FNTB: variants seen among roughly 807,000 people sequenced by gnomAD.
FNTB encodes the protein farnesyltransferase, CAAX box, subunit beta.
FNTB carries 27 observed loss-of-function variants against 59.4 expected under a neutral mutation model. That is an observed-to-expected ratio of 0.45 (90% CI 0.34 to 0.63). The LOEUF is 0.63. Among genes scored for constraint, FNTB ranks in the 20% least tolerant of loss-of-function variants. FNTB has a pLI of 0.02. For synonymous variants in FNTB, 230 were observed against 220.7 expected, an observed-to-expected ratio of 1.04 and a Z score of -0.37; for missense variants, 449 against 559.6, an observed-to-expected ratio of 0.80 and a Z score of 1.99.
At chr14:65,006,188 A>G (rs2139486562) in intron 2 of FNTB, 2 of 1,572,500 alleles carry the variant, frequency 1.3e-6, no homozygotes, top group Non-Finnish European at 1.7e-6. Context: ...CCATTTCCTT[A>G]AGAAACTTTT....
In FNTB at chr14:65,030,267, T is replaced by A. The variant is rs2062054172; in HGVS notation, c.606-2343T>A. Among the ~76,000 whole-genome samples, 1 of 152,214 alleles carries A rather than the reference T, an allele frequency of 6.6e-6. No homozygotes were observed. Among genetic ancestry groups the A allele is most frequent in the Non-Finnish European group, 1.5e-5 (1 of 68,042 alleles). Reference sequence around the variant, plus strand: ...AATTAGCTGCTGGTAGATGATCACATTTGGCATTGGCACTTGTGACTCTTG... The same window carrying A: ...AATTAGCTGCTGGTAGATGATCACAATTGGCATTGGCACTTGTGACTCTTG... On this transcript the variant is annotated intron_variant, in intron 6 of 11. Coordinates refer to ENST00000246166, the MANE Select transcript of FNTB (RefSeq NM_002028.4). The surrounding 1 kb of genome is among the most constrained non-coding windows in gnomAD (Gnocchi z 4.5).
At position 65,060,697 on chromosome 14, in the gene FNTB, CAA is replaced by C. The variant is rs59036615; in HGVS notation, c.1183-467_1183-466del. ...GGCGACAGAGCGAGAGACTCCGTCT[CAA>C]AAAAAAAAAAAAAAAATACAAAAAT... On this transcript the variant is annotated intron_variant, in intron 11 of 11. Coordinates refer to ENST00000246166, the MANE Select transcript of FNTB (RefSeq NM_002028.4). Among the ~76,000 whole-genome samples the C allele has an allele frequency of 2.3e-4, 11 of 48,592 alleles. 1 individual carries two copies. The highest frequency in any genetic ancestry group is 1.0e-3 in the East Asian group (2 of 1,944). 31.9% of individuals were successfully genotyped at this position (48,592 alleles called of 152,430 possible). A position where few individuals can be genotyped will look rare whatever the true frequency, so the allele number is the denominator to read the frequency against.
chr14:65,057,530 T>G (rs528959207), intron 11 of FNTB, among the ~76,000 whole-genome samples: 1 of 152,312 alleles, frequency 6.6e-6, no homozygotes, highest in Non-Finnish European at 1.5e-5. Context: ...AGGTGAGGAT[T>G]AACTTAAGGA....
intron 11 of FNTB, among the ~76,000 whole-genome samples, chr14:65,059,932 C>T (rs764323133): frequency 6.7e-6 from 1 of 149,766 alleles, no homozygotes; most frequent in African/African-American, 2.5e-5. Context: ...CTCCCGGGTT[C>T]AAGCAATTCT....
At position 65,044,235 on chromosome 14, in the gene FNTB, G is replaced by T; in HGVS notation, c.823-76G>T. On this transcript the variant is annotated intron_variant, in intron 8 of 11. Coordinates refer to ENST00000246166, the MANE Select transcript of FNTB (RefSeq NM_002028.4). The surrounding 1 kb of genome is among the most constrained non-coding windows in gnomAD (Gnocchi z 5.5). The stretch of plus-strand genomic sequence containing the variant: ...TGGGAAACCCTCCATCCCACAGATT[G>T]ACTCCTGGAGATTCTGTCGGGCTGG... 6.2e-7 allele frequency: 1 copy of T among 1,600,464 alleles called. No homozygotes were observed. The highest frequency in any genetic ancestry group is 1.1e-5 in the South Asian group (1 of 88,962).
rs752570490 is a variant in FNTB at position 65,044,492 on chromosome 14, A to G, written c.955+49A>G. The G allele has an allele frequency of 2.6e-6, 4 of 1,568,104 alleles. No individual in the cohort carries two copies. The highest frequency in any genetic ancestry group is 2.4e-5 in the South Asian group (2 of 83,756). The stretch of plus-strand genomic sequence containing the variant: ...TGGGGCTGGATGATTTCCCTCCACT[A>G]CTCACAAAGTCTGGAAGCCCAGCGT... On this transcript the variant is annotated intron_variant, in intron 9 of 11. Coordinates refer to ENST00000246166, the MANE Select transcript of FNTB (RefSeq NM_002028.4). The surrounding 1 kb of genome is among the most constrained non-coding windows in gnomAD (Gnocchi z 5.5).
intron 1 of FNTB, among the ~76,000 whole-genome samples, chr14:64,996,003 G>A (rs1287918331): frequency 4.0e-5 from 6 of 151,412 alleles, no homozygotes; most frequent in African/African-American, 1.5e-4. Context: ...GGCACCTGTA[G>A]TCCCAGCTAC....
chr14:65,013,650 C>G (rs185840447), intron 3 of FNTB, among the ~76,000 whole-genome samples: 1 of 152,148 alleles, frequency 6.6e-6, no homozygotes, highest in South Asian at 2.1e-4. Context: ...CAGGTTCAAG[C>G]GATTCTCTTG....
intron 1 of FNTB, among the ~76,000 whole-genome samples, chr14:65,000,379 A>G (rs1888549066): frequency 1.3e-5 from 2 of 152,200 alleles, no homozygotes; most frequent in South Asian, 4.1e-4. Context: ...ATGTCAATCT[A>G]AAAGGAAGAA....
chr14:65,005,951 A>C (rs1039272003), intron 2 of FNTB, among the ~76,000 whole-genome samples: 1 of 152,024 alleles, frequency 6.6e-6, no homozygotes, highest in African/African-American at 2.4e-5. Context: ...TTTCCTTGAC[A>C]TCTCTGAACA....
At position 65,044,478 on chromosome 14, in the gene FNTB, G is replaced by A; in HGVS notation, c.955+35G>A. On this transcript the variant is annotated intron_variant, in intron 9 of 11. Coordinates refer to ENST00000246166, the MANE Select transcript of FNTB (RefSeq NM_002028.4). This position sits in a 1 kb window ranked among gnomAD's most constrained non-coding sequence, Gnocchi z 5.5. ...GGGAGCTGTTCACTTGGGGCTGGATGATTTCCCTCCACTACTCACAAAGTC... is the reference window on the plus strand; with the variant it reads ...GGGAGCTGTTCACTTGGGGCTGGATAATTTCCCTCCACTACTCACAAAGTC... 6.3e-7 allele frequency: 1 copy of A among 1,578,254 alleles called. No homozygotes were observed. Among genetic ancestry groups the A allele is most frequent in the Non-Finnish European group, 8.6e-7 (1 of 1,166,778 alleles).
At position 65,032,325 on chromosome 14, in the gene FNTB, T is replaced by C. The variant is rs1595060876; in HGVS notation, c.606-285T>C. The C allele has an allele frequency of 3.6e-6, 1 of 279,986 alleles. No homozygotes were observed. The highest frequency in any genetic ancestry group is 6.7e-6 in the Non-Finnish European group (1 of 150,140). 17.3% of individuals were successfully genotyped at this position (279,986 alleles called of 1,614,324 possible). A position where few individuals can be genotyped will look rare whatever the true frequency, so the allele number is the denominator to read the frequency against. ...AGAAGAGCTGAATCCACTTTTGACATGAATTGATATGGCTGTTATTTCCTC... is the reference window on the plus strand; with the variant it reads ...AGAAGAGCTGAATCCACTTTTGACACGAATTGATATGGCTGTTATTTCCTC... On this transcript the variant is annotated intron_variant, in intron 6 of 11. Coordinates refer to ENST00000246166, the MANE Select transcript of FNTB (RefSeq NM_002028.4). The surrounding 1 kb of genome is among the most constrained non-coding windows in gnomAD (Gnocchi z 5.0).
chr14:65,033,409 A>G (rs1327792329), intron 7 of FNTB, among the ~76,000 whole-genome samples: 1 of 152,260 alleles, frequency 6.6e-6, no homozygotes. Context: ...GAGCAAAGGA[A>G]ATGAGATAAG....
At chr14:65,037,100 G>T (rs1321585144) in intron 7 of FNTB, among the ~76,000 whole-genome samples, 1 of 150,630 alleles carries the variant, frequency 6.6e-6, no homozygotes, top group East Asian at 1.9e-4. Context: ...TTCTGTGTTT[G>T]CTCTTTTTTT....
chr14:64,987,675 T>C (rs540118630), intron 1 of FNTB: 1 of 154,608 alleles, frequency 6.5e-6, no homozygotes, highest in South Asian at 1.9e-4. Flanking sequence ...ATAAAACAGC[T>C]CCTGACCAGG....
At chr14:65,035,363 C>T (rs7154903) in intron 7 of FNTB, among the ~76,000 whole-genome samples, 2,577 of 152,258 alleles carry the variant, frequency 0.017, 43 homozygotes, top group African/African-American at 0.039. Context: ...TCAGCTGAAC[C>T]CTCAGGAAGC....
chr14:64,997,224 A>G lies in FNTB; in HGVS notation c.145-7025A>G, dbSNP rs1888432319. Among the ~76,000 whole-genome samples the G allele has an allele frequency of 2.0e-5, 3 of 152,216 alleles. No homozygotes were observed. The highest frequency in any genetic ancestry group is 6.5e-5 in the Admixed American group (1 of 15,286). ...TTAGAGCTTTCTCAATTACTCCTGT[A>G]GATAACATCCCAATTGCAGAACCTA... On this transcript the variant is annotated intron_variant, in intron 1 of 11. Coordinates refer to ENST00000246166, the MANE Select transcript of FNTB (RefSeq NM_002028.4). This position sits in a 1 kb window ranked among gnomAD's most constrained non-coding sequence, Gnocchi z 4.5.
Position 64,987,277 on chromosome 14 carries a change from C to G in FNTB, c.144+180C>G, listed in dbSNP as rs145335579. ...CTTGGGCTTCGTCGTGGAGCGTTTG[C>G]GCGGCCAGCTTGGGGAAGGGTCGTT... On this transcript the variant is annotated intron_variant, in intron 1 of 11. Transcript: ENST00000246166. 2,889 of 687,200 alleles carry G rather than the reference C, an allele frequency of 4.2e-3. 16 individuals are homozygous for G. Among genetic ancestry groups the G allele is most frequent in the Middle Eastern group, 0.011 (28 of 2,438 alleles). The allele number at this position is 687,200 out of a possible 1,614,324, so 42.6% of individuals were successfully genotyped here.
intron 7 of FNTB, among the ~76,000 whole-genome samples, chr14:65,033,861 A>C (rs575047142): frequency 1.4e-4 from 22 of 152,362 alleles, no homozygotes; most frequent in African/African-American, 5.1e-4. Context: ...CATCTCAAAA[A>C]AAGAAGCAAA....
Sources: allele counts gnomAD v4.1 joint callset (sites outside exome capture counted in the v4.1 genomes callset), GRCh38; gene constraint gnomAD v4.1.1; non-coding constraint Gnocchi (gnomAD v3.1); transcripts MANE v1.5; gene names NCBI Gene and HGNC (gene_info 2026-07-23, HGNC 2026-07-21).